Variants in MAPK8 observed in about 807,000 individuals in gnomAD.
MAPK8 encodes the protein JUN N-terminal kinase.
In MAPK8, 13 loss-of-function variants were observed where a neutral mutation model predicts 52.9. That is an observed-to-expected ratio of 0.25 (90% CI 0.16 to 0.39). MAPK8 has a LOEUF of 0.39. Among genes scored for constraint, MAPK8 ranks in the 10% least tolerant of loss-of-function variants. MAPK8 has a pLI of 1.00. For missense variants in MAPK8, 300 were observed against 519.2 expected (o/e 0.58, Z 4.10); for synonymous variants, 191 against 169.8 (o/e 1.12, Z -0.97).
At chr10:48,310,784 G>GA (rs1368695304) in intron 1 of MAPK8, among the ~76,000 whole-genome samples, 2 of 141,530 alleles carry the variant, frequency 1.4e-5, no homozygotes, top group Non-Finnish European at 3.0e-5. Flanking sequence ...CATGGAGAGA[G>GA]ACAGAGAGGA....
intron 1 of MAPK8, among the ~76,000 whole-genome samples, chr10:48,372,815 A>G (rs936006354): frequency 1.3e-5 from 2 of 152,200 alleles, no homozygotes; most frequent in African/African-American, 4.8e-5. Flanking sequence ...TCTTCAGGAT[A>G]TTATCCAGGA....
chr10:48,411,414 G>C lies in MAPK8; in HGVS notation c.450+1246G>C, dbSNP rs371713501. 1.8e-4 allele frequency among the ~76,000 whole-genome samples: 27 copies of C among 152,336 alleles called. No homozygotes were observed. In the East Asian group the frequency reaches 4.6e-3, roughly 26 times the overall value. ...GTCTTGGCACCCCTGTCAAAAAACA[G>C]TTGGTCATAGATACATGGTTTCATT... is the stretch of plus-strand genomic sequence containing the variant. On this transcript the variant is annotated intron_variant, in intron 5 of 11. Transcript: ENST00000374189.
At chr10:48,401,320 A>G (rs913009808) in intron 1 of MAPK8, among the ~76,000 whole-genome samples, 4 of 152,062 alleles carry the variant, frequency 2.6e-5, no homozygotes, top group Non-Finnish European at 5.9e-5. Flanking sequence ...AATTTTAATT[A>G]TTTGCTTTCT....
intron 6 of MAPK8, among the ~76,000 whole-genome samples, chr10:48,423,249 G>T (rs1335403889): frequency 6.6e-6 from 1 of 152,136 alleles, no homozygotes; most frequent in Non-Finnish European, 1.5e-5. Context: ...TTTACAGTTG[G>T]CAAGGGTCAT....
At chr10:48,309,749 T>C in intron 1 of MAPK8, among the ~76,000 whole-genome samples, 1 of 152,198 alleles carries the variant, frequency 6.6e-6, no homozygotes. Context: ...CATATTTCAG[T>C]CATCTACATG....
rs1409137036 is a variant in MAPK8 at position 48,401,639 on chromosome 10, AT to A, written c.-20del. 1 of 1,609,692 alleles carries A rather than the reference AT, an allele frequency of 6.2e-7. No individual in the cohort carries two copies. Among genetic ancestry groups the A allele is most frequent in the African/African-American group, 1.3e-5 (1 of 74,586 alleles). On this transcript the variant is annotated 5_prime_UTR_variant, in exon 2 of 12. An upstream open reading frame in the 5' UTR gains an earlier in-frame stop. Coordinates refer to ENST00000374189, the MANE Select transcript of MAPK8 (RefSeq NM_001323329.2). Reference sequence around the variant, plus strand: ...TCTTGGTGAATTTTTGGATGAAGCCATTAAATTAATTGCTTGCCATCATGAG... The same window carrying A: ...TCTTGGTGAATTTTTGGATGAAGCCATAAATTAATTGCTTGCCATCATGAG...
In MAPK8 at chr10:48,429,301, A is replaced by G. The variant is rs151011899; in HGVS notation, c.1061-1892A>G. Among the ~76,000 whole-genome samples the G allele has an allele frequency of 3.0e-3, 452 of 152,344 alleles. 2 individuals carry two copies. Among genetic ancestry groups the G allele is most frequent in the African/African-American group, 0.01 (428 of 41,568 alleles). On this transcript the variant is annotated intron_variant, in intron 10 of 11. Transcript: ENST00000374189. ...TCAATTTCAGAGATTAAACTGTGAA[A>G]AAAGTACATCTTAAAATCAGTGAGA...
intron 1 of MAPK8, among the ~76,000 whole-genome samples, chr10:48,386,723 G>A (rs1227442521): frequency 2.0e-5 from 3 of 152,192 alleles, no homozygotes; most frequent in African/African-American, 7.2e-5. Context: ...CATTACTTTC[G>A]GAGGCCAAGG....
rs557148333 is a variant in MAPK8 at position 48,410,609 on chromosome 10, A to G, written c.450+441A>G. Reference sequence around the variant, plus strand: ...TCGTGCTATGAAAATTCAAGCACAAATATTTGTTTGAATATATATTTTCAG... The same window carrying G: ...TCGTGCTATGAAAATTCAAGCACAAGTATTTGTTTGAATATATATTTTCAG... On this transcript the variant is annotated intron_variant, in intron 5 of 11. Transcript: ENST00000374189. 3.3e-5 allele frequency among the ~76,000 whole-genome samples: 5 copies of G among 152,322 alleles called. No individual in the cohort carries two copies. In the South Asian group the frequency reaches 1.0e-3, roughly 32 times the overall value.
intron 1 of MAPK8, among the ~76,000 whole-genome samples, chr10:48,329,031 A>C (rs557868813): frequency 6.6e-6 from 1 of 152,320 alleles, no homozygotes; most frequent in East Asian, 1.9e-4. Context: ...GCCAACACTT[A>C]CAAATAGTAA....
chr10:48,435,494 T>C lies in MAPK8; in HGVS notation c.*465T>C, dbSNP rs2044783041. 6.6e-6 allele frequency: 1 copy of C among 152,456 alleles called. No individual in the cohort carries two copies. Among genetic ancestry groups the C allele is most frequent in the African/African-American group, 2.4e-5 (1 of 41,442 alleles). The allele number at this position is 152,456 out of a possible 1,614,324, so 9.4% of individuals were successfully genotyped here. A position where few individuals can be genotyped will look rare whatever the true frequency, so the allele number is the denominator to read the frequency against. On this transcript the variant is annotated 3_prime_UTR_variant, in exon 12 of 12. Transcript: ENST00000374189. ...TCCTTCAGGGTTATGTGCTTATCAA[T>C]GAAATAACCCCAGAGGAGTGAGGGA...
chr10:48,428,985 C>T (rs1207605446), intron 10 of MAPK8, among the ~76,000 whole-genome samples: 1 of 140,312 alleles, frequency 7.1e-6, no homozygotes, highest in African/African-American at 2.6e-5. Flanking sequence ...CTGCACTTGG[C>T]TAATTTTGTT....
intron 1 of MAPK8, among the ~76,000 whole-genome samples, chr10:48,347,548 G>A (rs1845907990): frequency 6.6e-6 from 1 of 152,056 alleles, no homozygotes; most frequent in South Asian, 2.1e-4. Context: ...CTCTGCCCTA[G>A]CTCCCCACCC....
At chr10:48,416,750 G>A (rs1241594056) in intron 5 of MAPK8, among the ~76,000 whole-genome samples, 6 of 152,160 alleles carry the variant, frequency 3.9e-5, no homozygotes, top group Non-Finnish European at 7.3e-5. Flanking sequence ...GACATTGTGA[G>A]TGTCCCTTGC....
chr10:48,403,089 C>T (rs1442665802), intron 2 of MAPK8, among the ~76,000 whole-genome samples: 1 of 152,046 alleles, frequency 6.6e-6, no homozygotes, highest in Non-Finnish European at 1.5e-5. Flanking sequence ...AAATACCAAA[C>T]TTAGGATGTT....
intron 1 of MAPK8, among the ~76,000 whole-genome samples, chr10:48,312,966 A>G (rs1033892868): frequency 6.6e-5 from 10 of 152,254 alleles, no homozygotes; most frequent in Non-Finnish European, 1.0e-4. Flanking sequence ...AAGATAGTTT[A>G]TATATGTTTA....
intron 5 of MAPK8, among the ~76,000 whole-genome samples, chr10:48,415,851 A>G (rs1431433770): frequency 6.6e-6 from 1 of 152,238 alleles, no homozygotes; most frequent in African/African-American, 2.4e-5. Flanking sequence ...GGGATATTCT[A>G]ACTTACTCCC....
intron 1 of MAPK8, among the ~76,000 whole-genome samples, chr10:48,349,596 G>T (rs1235874947): frequency 1.3e-5 from 2 of 152,182 alleles, no homozygotes; most frequent in African/African-American, 4.8e-5. Flanking sequence ...CAATGTATCA[G>T]AATCTCTGGG....
intron 1 of MAPK8, among the ~76,000 whole-genome samples, chr10:48,339,362 C>T (rs1324969119): frequency 6.6e-6 from 1 of 152,104 alleles, no homozygotes; most frequent in Non-Finnish European, 1.5e-5. Flanking sequence ...ATAAATGGTG[C>T]TGGGAAAACT....
Sources: gnomAD v4.1 joint callset for allele counts (sites outside exome capture counted in the v4.1 genomes callset) on GRCh38, gnomAD v4.1.1 for gene constraint, MANE v1.5 for transcripts, NCBI Gene and HGNC (gene_info 2026-07-23, HGNC 2026-07-21) for gene names.